The following NMBR variants were observed in gnomAD, a reference collection of about 807,000 sequenced individuals.
NMBR encodes neuromedin-B receptor.
Under a neutral mutation model 20.5 loss-of-function variants are expected in NMBR, and 16 were observed. The observed-to-expected ratio is 0.78, with a 90% CI of 0.53 to 1.19. The LOEUF (loss-of-function observed/expected upper bound fraction) is 1.19. Among genes scored for constraint, NMBR ranks in the 50% most tolerant of loss-of-function variants. NMBR has a pLI of 0.00. For missense variants in NMBR, 582 were observed against 499.1 expected (o/e 1.17, Z -1.58); for synonymous variants, 212 against 196.6 (o/e 1.08, Z -0.65).
chr6:142,080,288 A>G (rs1226050160), intron 2 of NMBR, among the ~76,000 whole-genome samples: 6 of 143,056 alleles, frequency 4.2e-5, no homozygotes, highest in Admixed American at 4.2e-4. Flanking sequence ...CCTATGTTAT[A>G]TGTGCACATT....
intron 1 of NMBR, among the ~76,000 whole-genome samples, chr6:142,104,238 A>T (rs1453012430): frequency 1.3e-5 from 2 of 152,254 alleles, no homozygotes; most frequent in Non-Finnish European, 2.9e-5. Context: ...GTGGCCTACA[A>T]TAACTAAATG....
chr6:142,080,666 G>A (rs943882710), intron 2 of NMBR, among the ~76,000 whole-genome samples: 1 of 152,004 alleles, frequency 6.6e-6, no homozygotes, highest in Non-Finnish European at 1.5e-5. Context: ...TCTCTTTCCA[G>A]GTTGTTTGGT....
chr6:142,105,546 T>C (rs2114584640), intron 1 of NMBR, among the ~76,000 whole-genome samples: 1 of 152,334 alleles, frequency 6.6e-6, no homozygotes, highest in South Asian at 2.1e-4. Context: ...ATCTATTTTT[T>C]ACTCCTTCAA....
chr6:142,110,793 AG>A (rs1777748991), intron 1 of NMBR, among the ~76,000 whole-genome samples: 1 of 152,238 alleles, frequency 6.6e-6, no homozygotes, highest in African/African-American at 2.4e-5. Context: ...GGACCTGCCC[AG>A]ATCATCAGCT....
chr6:142,120,675 GT>G (rs1418487364), intron 1 of NMBR, among the ~76,000 whole-genome samples: 2 of 151,928 alleles, frequency 1.3e-5, no homozygotes, highest in African/African-American at 4.8e-5. Context: ...TCACAAGTAT[GT>G]TACCTTGGTT....
At chr6:142,138,701 C>T (rs1052688663) in intron 1 of NMBR, among the ~76,000 whole-genome samples, 4 of 152,250 alleles carry the variant, frequency 2.6e-5, no homozygotes, top group Middle Eastern at 3.4e-3. Flanking sequence ...GGAATGCTCC[C>T]GCCAATCTGC....
intron 1 of NMBR, among the ~76,000 whole-genome samples, chr6:142,136,360 A>C (rs893516646): frequency 1.3e-5 from 2 of 151,874 alleles, no homozygotes; most frequent in Non-Finnish European, 2.9e-5. Flanking sequence ...TTTTTCTTGT[A>C]AATTTGTTTG....
At chr6:142,096,322 A>G (rs1407091046) in intron 1 of NMBR, among the ~76,000 whole-genome samples, 1 of 152,140 alleles carries the variant, frequency 6.6e-6, no homozygotes, top group African/African-American at 2.4e-5. Flanking sequence ...ACACTGCTTT[A>G]AATGTGTCCC....
chr6:142,147,067 C>G lies in NMBR; in HGVS notation c.-687G>C. The G allele has an allele frequency of 1.8e-6, 1 of 562,854 alleles. No individual in the cohort carries two copies. The highest frequency in any genetic ancestry group is 2.3e-5 in the South Asian group (1 of 43,172). 34.9% of individuals were successfully genotyped at this position (562,854 alleles called of 1,614,324 possible). A position where few individuals can be genotyped will look rare whatever the true frequency, so the allele number is the denominator to read the frequency against. On this transcript the variant is annotated 5_prime_UTR_variant, in exon 1 of 4. Coordinates refer to ENST00000258042, the MANE Select transcript of NMBR (RefSeq NM_002511.4). ...ACCAGCAGAGAGCGCTAGCGCCATG[C>G]GCGGCATAAGCGCCAAAATGCTCGG...
intron 1 of NMBR, among the ~76,000 whole-genome samples, chr6:142,095,150 C>T (rs1234590605): frequency 6.6e-6 from 1 of 151,992 alleles, no homozygotes; most frequent in Non-Finnish European, 1.5e-5. Context: ...TTATTTCCTT[C>T]TCCTGCCTAA....
intron 1 of NMBR, among the ~76,000 whole-genome samples, chr6:142,099,306 A>T (rs1444415229): frequency 6.6e-6 from 1 of 152,184 alleles, no homozygotes; most frequent in African/African-American, 2.4e-5. Context: ...TTATAAAGAA[A>T]AGATGTTTAA....
At chr6:142,128,240 C>T (rs1778074086) in intron 1 of NMBR, among the ~76,000 whole-genome samples, 1 of 152,068 alleles carries the variant, frequency 6.6e-6, no homozygotes, top group Non-Finnish European at 1.5e-5. Context: ...TTTAAGTTTT[C>T]CCCAGCCATG....
intron 3 of NMBR, among the ~76,000 whole-genome samples, chr6:142,076,424 A>C (rs533909084): frequency 6.6e-6 from 1 of 152,326 alleles, no homozygotes; most frequent in East Asian, 1.9e-4. Context: ...ATTCAAGCTT[A>C]GGTGTTTTAA....
At chr6:142,084,199 T>C (rs1435919014) in intron 2 of NMBR, among the ~76,000 whole-genome samples, 1 of 152,232 alleles carries the variant, frequency 6.6e-6, no homozygotes, top group African/African-American at 2.4e-5. Flanking sequence ...CTGTATCCAA[T>C]CTATTTCAGT....
chr6:142,095,253 G>A (rs980292207), intron 1 of NMBR, among the ~76,000 whole-genome samples: 5 of 152,100 alleles, frequency 3.3e-5, no homozygotes, highest in Non-Finnish European at 4.4e-5. Flanking sequence ...GAATGCTTCC[G>A]GTTTTTGCCC....
rs546899473 is a variant in NMBR, at chr6:142,117,589, G to A, written c.-663-28268C>T. 2.0e-4 allele frequency among the ~76,000 whole-genome samples: 30 copies of A among 151,928 alleles called. No individual in the cohort carries two copies. In the South Asian group the frequency reaches 5.6e-3, roughly 28 times the overall value. On this transcript the variant is annotated intron_variant, in intron 1 of 3. Coordinates refer to ENST00000258042, the MANE Select transcript of NMBR (RefSeq NM_002511.4). ...ACATGTCACAGAGGGAATAAGGAAC[G>A]GAAATTCTAATGATAGCCCAGCAAT...
intron 1 of NMBR, among the ~76,000 whole-genome samples, chr6:142,102,363 C>G (rs933860502): frequency 6.8e-6 from 1 of 146,276 alleles, no homozygotes; most frequent in African/African-American, 2.5e-5. Flanking sequence ...GCACTCCAGC[C>G]TGGGTGACAG....
At chr6:142,126,285 GA>G in intron 1 of NMBR, among the ~76,000 whole-genome samples, 1 of 151,380 alleles carries the variant, frequency 6.6e-6, no homozygotes, top group African/African-American at 2.4e-5. Flanking sequence ...GTGTGTGTGT[GA>G]GATTTCTTTA....
intron 2 of NMBR, among the ~76,000 whole-genome samples, chr6:142,086,042 T>C (rs1777192658): frequency 6.6e-6 from 1 of 151,602 alleles, no homozygotes; most frequent in Non-Finnish European, 1.5e-5. Flanking sequence ...TTTTTAATGC[T>C]TGGGTGTTTT....
Sources: allele counts gnomAD v4.1 joint callset (sites outside exome capture counted in the v4.1 genomes callset), GRCh38; gene constraint gnomAD v4.1.1; transcripts MANE v1.5; gene names NCBI Gene and HGNC (gene_info 2026-07-23, HGNC 2026-07-21).